Variants in MPPED2 observed in about 807,000 individuals in gnomAD.
The protein encoded by MPPED2 is metallophosphoesterase MPPED2.
Under a neutral mutation model 33.0 loss-of-function variants are expected in MPPED2, and 5 were observed. That is an observed-to-expected ratio of 0.15 (90% confidence interval 0.08 to 0.32). The LOEUF is 0.32. MPPED2 is among the 10% of genes least tolerant of loss of function. The pLI is 1.00. For synonymous variants in MPPED2, 136 were observed against 141.9 expected (o/e 0.96, Z 0.29); for missense variants, 275 against 372.1 (o/e 0.74, Z 2.15).
chr11:30,500,644 A>G (rs576318040), intron 3 of MPPED2, among the ~76,000 whole-genome samples: 1 of 152,348 alleles, frequency 6.6e-6, no homozygotes, highest in South Asian at 2.1e-4. Flanking sequence ...TCTAAAGCAC[A>G]TGCATGGTGC....
At chr11:30,452,814 C>T (rs1950119493) in intron 4 of MPPED2, among the ~76,000 whole-genome samples, 1 of 152,096 alleles carries the variant, frequency 6.6e-6, no homozygotes, top group African/African-American at 2.4e-5. Flanking sequence ...CGCTAAGTTT[C>T]TCTGCCAACA....
intron 4 of MPPED2, among the ~76,000 whole-genome samples, chr11:30,462,129 C>T (rs765515590): frequency 2.2e-4 from 33 of 152,158 alleles, no homozygotes; most frequent in Middle Eastern, 3.2e-3. Flanking sequence ...TACTTTTGGG[C>T]ACATTTCTGA....
At chr11:30,500,205 T>A (rs1952492524) in intron 3 of MPPED2, among the ~76,000 whole-genome samples, 1 of 152,230 alleles carries the variant, frequency 6.6e-6, no homozygotes, top group African/African-American at 2.4e-5. Context: ...ATTTGAATTC[T>A]GACCTCTGTT....
At chr11:30,561,917 C>G (rs906272174) in intron 2 of MPPED2, among the ~76,000 whole-genome samples, 1 of 152,116 alleles carries the variant, frequency 6.6e-6, no homozygotes, top group Non-Finnish European at 1.5e-5. Context: ...AAACAGTAAC[C>G]TCTGTGAACT....
rs140182811 is a variant in MPPED2 at position 30,396,125 on chromosome 11, C to T, written c.767-7169G>A. 3.3e-5 allele frequency among the ~76,000 whole-genome samples: 5 copies of T among 152,266 alleles called. No individual in the cohort carries two copies. The East Asian group carries it at 9.7e-4, about 29-fold the overall frequency. ...TACCTTGGGCTTTTGCTATTCACAA[C>T]AGATGAGAATCCTTGGGGACTAAGA... On this transcript the variant is annotated intron_variant, in intron 6 of 6. Coordinates refer to the MPPED2 transcript ENST00000448418.
chr11:30,535,432 G>A (rs1954758928), intron 3 of MPPED2, among the ~76,000 whole-genome samples: 1 of 152,086 alleles, frequency 6.6e-6, no homozygotes, highest in Non-Finnish European at 1.5e-5. Context: ...ACAGGACACA[G>A]GGCAACTTCA....
chr11:30,403,011 C>T lies in MPPED2; in HGVS notation c.766+11217G>A, dbSNP rs1047213891. ...CTGTATTCCCAGCACTTCGGGAGGC[C>T]GAGGCAGGCAGATCACAAGGTCAGG... On this transcript the variant is annotated intron_variant, in intron 6 of 6. Coordinates refer to the MPPED2 transcript ENST00000448418. Among the ~76,000 whole-genome samples the T allele has an allele frequency of 1.4e-4, 22 of 152,198 alleles. No individual in the cohort carries two copies. In the South Asian group the frequency reaches 2.9e-3, roughly 20 times the overall value.
intron 4 of MPPED2, among the ~76,000 whole-genome samples, chr11:30,430,933 C>T (rs1398652369): frequency 6.6e-6 from 1 of 152,092 alleles, no homozygotes; most frequent in Non-Finnish European, 1.5e-5. Context: ...TATGACTTCC[C>T]ACCAGGTTCT....
intron 2 of MPPED2, among the ~76,000 whole-genome samples, chr11:30,571,017 GT>G (rs1431007618): frequency 2.0e-5 from 3 of 152,176 alleles, no homozygotes; most frequent in Non-Finnish European, 4.4e-5. Flanking sequence ...GAGTCCTGCA[GT>G]TTTTTAAGGA....
At chr11:30,536,199 A>G (rs377696309) in intron 2 of MPPED2, 24 bp from the exon 3 acceptor site, 1 of 1,540,652 alleles carries the variant, frequency 6.5e-7, no homozygotes, top group Non-Finnish European at 8.7e-7. Flanking sequence ...AACAGATCCC[A>G]TAACAGTTAA....
At chr11:30,554,974 C>A (rs1217782599) in intron 2 of MPPED2, among the ~76,000 whole-genome samples, 1 of 152,240 alleles carries the variant, frequency 6.6e-6, no homozygotes, top group Non-Finnish European at 1.5e-5. Context: ...GATTCCACAG[C>A]TGTGCTGGTT....
chr11:30,499,034 G>A (rs894381820), intron 3 of MPPED2, among the ~76,000 whole-genome samples: 1 of 152,092 alleles, frequency 6.6e-6, no homozygotes, highest in African/African-American at 2.4e-5. Flanking sequence ...CAGGGTCCTC[G>A]CTGCTACTTG....
chr11:30,402,159 G>A (rs987106706), intron 6 of MPPED2, among the ~76,000 whole-genome samples: 1 of 152,110 alleles, frequency 6.6e-6, no homozygotes, highest in African/African-American at 2.4e-5. Flanking sequence ...ATAGCTTTGA[G>A]AATGCTGAGC....
intron 3 of MPPED2, among the ~76,000 whole-genome samples, chr11:30,518,692 T>C (rs1953678161): frequency 6.6e-6 from 1 of 152,198 alleles, no homozygotes; most frequent in South Asian, 2.1e-4. Context: ...GCTGACTTTT[T>C]TGATGAACTG....
chr11:30,568,594 G>T (rs771082509), intron 2 of MPPED2, among the ~76,000 whole-genome samples: 2 of 152,058 alleles, frequency 1.3e-5, no homozygotes, highest in Admixed American at 6.6e-5. Flanking sequence ...CCCTCATAAA[G>T]ACAGGCAGGC....
intron 4 of MPPED2, among the ~76,000 whole-genome samples, chr11:30,480,709 TA>T (rs962225556): frequency 6.6e-6 from 1 of 152,156 alleles, no homozygotes; most frequent in African/African-American, 2.4e-5. Flanking sequence ...TTTAGAGATG[TA>T]AAAGACAACT....
intron 4 of MPPED2, among the ~76,000 whole-genome samples, chr11:30,430,064 T>C (rs1184764846): frequency 6.6e-6 from 1 of 152,018 alleles, no homozygotes; most frequent in Admixed American, 6.5e-5. Flanking sequence ...GTCAAGAAAA[T>C]ATTCATAACA....
At chr11:30,564,402 G>T (rs1387850546) in intron 2 of MPPED2, among the ~76,000 whole-genome samples, 2 of 152,112 alleles carry the variant, frequency 1.3e-5, no homozygotes, top group Non-Finnish European at 2.9e-5. Flanking sequence ...CAGAAAATTT[G>T]GTAGGTACTA....
chr11:30,527,886 G>A (rs538645910), intron 3 of MPPED2, among the ~76,000 whole-genome samples: 53 of 152,284 alleles, frequency 3.5e-4, no homozygotes, highest in African/African-American at 1.2e-3. Flanking sequence ...CAGCATGCTC[G>A]GAAAATGTCA....
Sources: gnomAD v4.1 joint callset for allele counts (sites outside exome capture counted in the v4.1 genomes callset) on GRCh38, gnomAD v4.1.1 for gene constraint, MANE v1.5 for transcripts, NCBI Gene and HGNC (gene_info 2026-07-23, HGNC 2026-07-21) for gene names.